CNBD1: variants seen among roughly 807,000 people sequenced by gnomAD.
The protein encoded by CNBD1 is cyclic nucleotide-binding domain-containing protein 1.
A neutral mutation model predicts 54.4 loss-of-function variants in CNBD1; 71 were observed. The observed-to-expected ratio is 1.30, with a 90% CI of 1.08 to 1.59. The LOEUF (loss-of-function observed/expected upper bound fraction) is 1.59. Among genes scored for constraint, CNBD1 ranks in the 40% most tolerant of loss-of-function variants. The probability of loss-of-function intolerance (pLI) is 0.00; values close to 1 mark genes in which losing one functional copy is unlikely to be tolerated. For missense variants in CNBD1, 659 were observed against 518.0 expected (o/e 1.27, Z -2.64); for synonymous variants, 182 against 170.7 (o/e 1.07, Z -0.51).
intron 8 of CNBD1, among the ~76,000 whole-genome samples, chr8:87,331,829 T>C (rs1273192567): frequency 6.6e-6 from 1 of 152,214 alleles, no homozygotes; most frequent in Non-Finnish European, 1.5e-5. Context: ...TCGAGCTTTT[T>C]TTCATATGTT....
At chr8:86,910,845 G>A (rs886176908) in intron 3 of CNBD1, among the ~76,000 whole-genome samples, 1 of 152,172 alleles carries the variant, frequency 6.6e-6, no homozygotes, top group Non-Finnish European at 1.5e-5. Context: ...AGAGAGACGG[G>A]GTCCCAAGTG....
At chr8:86,941,938 G>A (rs1468994127) in intron 4 of CNBD1, among the ~76,000 whole-genome samples, 3 of 152,170 alleles carry the variant, frequency 2.0e-5, no homozygotes, top group Non-Finnish European at 4.4e-5. Flanking sequence ...AGATCCTGAT[G>A]TACTATACGT....
intron 3 of CNBD1, among the ~76,000 whole-genome samples, chr8:86,921,179 C>G (rs4246105): frequency 0.48 from 73,129 of 151,908 alleles, 18,495 homozygotes; most frequent in South Asian, 0.6. Context: ...GTACTTATTT[C>G]ATGCTAGTGT....
At chr8:86,903,123 C>A (rs1470083717) in intron 2 of CNBD1, among the ~76,000 whole-genome samples, 1 of 152,030 alleles carries the variant, frequency 6.6e-6, no homozygotes, top group Admixed American at 6.6e-5. Flanking sequence ...TTTCAACCTT[C>A]CACGTATTTC....
At chr8:87,116,195 C>CTTTTTTTT (rs71556428) in intron 4 of CNBD1, among the ~76,000 whole-genome samples, 35 of 74,540 alleles carry the variant, frequency 4.7e-4, no homozygotes, top group Non-Finnish European at 5.3e-4. Flanking sequence ...ATTCTCATGT[C>CTTTTTTTT]TTTTTTTTTT....
intron 8 of CNBD1, among the ~76,000 whole-genome samples, chr8:87,306,690 C>T (rs10100662): frequency 0.38 from 57,170 of 150,952 alleles, 10,990 homozygotes; most frequent in Middle Eastern, 0.44. Flanking sequence ...ATGTTCTCAC[C>T]GATATGTCGG....
At chr8:86,950,157 G>A (rs1477945127) in intron 4 of CNBD1, among the ~76,000 whole-genome samples, 1 of 148,502 alleles carries the variant, frequency 6.7e-6, no homozygotes, top group African/African-American at 2.5e-5. Context: ...TGCCTCCCGG[G>A]TTTAAGCAAT....
At chr8:87,111,758 C>T (rs997773205) in intron 4 of CNBD1, among the ~76,000 whole-genome samples, 1 of 152,144 alleles carries the variant, frequency 6.6e-6, no homozygotes, top group African/African-American at 2.4e-5. Flanking sequence ...ATGAGCATTT[C>T]CATGGATCCC....
In CNBD1 at chr8:87,402,202, C is replaced by T. The variant is rs868403002; in HGVS notation, c.214-26344C>T. On this transcript the variant is annotated intron_variant, in intron 2 of 7. Transcript: ENST00000521593. ...GATGTTTTCACTGTCACGAGAATATCACAGGAAAAACCCGCCTCCATGATT... is the reference window on the plus strand; with the variant it reads ...GATGTTTTCACTGTCACGAGAATATTACAGGAAAAACCCGCCTCCATGATT... Among the ~76,000 whole-genome samples the T allele has an allele frequency of 3.3e-5, 5 of 152,014 alleles. No individual in the cohort carries two copies. The South Asian group carries it at 8.3e-4, about 25-fold the overall frequency.
chr8:87,080,311 T>C (rs939751016), intron 4 of CNBD1, among the ~76,000 whole-genome samples: 6 of 152,188 alleles, frequency 3.9e-5, no homozygotes, highest in African/African-American at 1.2e-4. Flanking sequence ...GGTCTGGGTA[T>C]GGTGGCTCAC....
chr8:87,179,644 T>G (rs959324609), intron 4 of CNBD1, among the ~76,000 whole-genome samples: 1 of 152,152 alleles, frequency 6.6e-6, no homozygotes, highest in African/African-American at 2.4e-5. Flanking sequence ...GGCTACAAGT[T>G]GGAAGGGTTT....
intron 6 of CNBD1, among the ~76,000 whole-genome samples, chr8:87,281,834 T>G (rs1459118014): frequency 6.6e-6 from 1 of 151,190 alleles, no homozygotes; most frequent in East Asian, 1.9e-4. Context: ...AGGACTTTAA[T>G]ATTTTCAATC....
chr8:87,395,458 A>G (rs1397752978), intron 2 of CNBD1, among the ~76,000 whole-genome samples: 1 of 151,964 alleles, frequency 6.6e-6, no homozygotes, highest in Non-Finnish European at 1.5e-5. Context: ...TCATTTTCTA[A>G]TATGTGCCAA....
intron 4 of CNBD1, among the ~76,000 whole-genome samples, chr8:87,160,181 AAAC>A (rs1272329472): frequency 6.6e-6 from 1 of 152,008 alleles, no homozygotes; most frequent in Non-Finnish European, 1.5e-5. Context: ...TATTGTGAAA[AAAC>A]TTATTTCTTA....
chr8:87,071,463 A>T (rs1348387595), intron 4 of CNBD1, among the ~76,000 whole-genome samples: 1 of 152,136 alleles, frequency 6.6e-6, no homozygotes, highest in Non-Finnish European at 1.5e-5. Flanking sequence ...TACCCACACA[A>T]AAACTAATTC....
intron 4 of CNBD1, among the ~76,000 whole-genome samples, chr8:86,968,093 T>C (rs1343117306): frequency 1.3e-5 from 2 of 152,158 alleles, no homozygotes; most frequent in Non-Finnish European, 2.9e-5. Context: ...GGGTTGAAGT[T>C]GAGCATTTGC....
At position 86,939,651 on chromosome 8, in the gene CNBD1, A is replaced by G. The variant is rs374969041; in HGVS notation, c.328A>G (p.Asn110Asp). The G allele has an allele frequency of 3.1e-4, 502 of 1,605,534 alleles. 8 individuals carry two copies. The South Asian group carries it at 5.3e-3, about 17-fold the overall frequency. ...SQHQQPDDSN[N>D]IAVHVQRAHG... is the part of the protein sequence containing the mutation. ...ACATCAACAACCTGATGATTCTAAC[A>G]ATATAGCTGTCCATGTTCAGAGAGC... Residue 110 changes from asparagine to aspartate, a missense_variant, in exon 4 of 11, where the codon AAT becomes GAT. Asn to Asp is a conservative substitution (Grantham distance 23, BLOSUM62 1). Transcript: ENST00000518476.
At chr8:87,319,469 A>C (rs1809473337) in intron 8 of CNBD1, among the ~76,000 whole-genome samples, 1 of 152,248 alleles carries the variant, frequency 6.6e-6, no homozygotes, top group East Asian at 1.9e-4. Flanking sequence ...AATGGAGTTT[A>C]GATGAGTACT....
chr8:87,046,843 TCTC>T (rs144101471), intron 4 of CNBD1, among the ~76,000 whole-genome samples: 1,873 of 152,226 alleles, frequency 0.012, 33 homozygotes, highest in African/African-American at 0.041. Flanking sequence ...AGTCCAGACA[TCTC>T]CTTTTCGCCC....
Sources: allele counts gnomAD v4.1 joint callset (sites outside exome capture counted in the v4.1 genomes callset), GRCh38; gene constraint gnomAD v4.1.1; transcripts MANE v1.5; gene names NCBI Gene and HGNC (gene_info 2026-07-23, HGNC 2026-07-21).